UST: variants seen among roughly 807,000 people sequenced by gnomAD.
UST encodes chondroitin sulfate 2-O-sulfotransferase.
UST carries 21 observed loss-of-function variants against 45.6 expected under a neutral mutation model. That is an observed-to-expected ratio of 0.46 (90% CI 0.33 to 0.66). The LOEUF (loss-of-function observed/expected upper bound fraction) is 0.66. Among genes scored for constraint, UST ranks in the 30% least tolerant of loss-of-function variants. UST has a pLI of 0.02. For missense variants in UST, 463 were observed against 512.4 expected (o/e 0.90, Z 0.93); for synonymous variants, 215 against 200.6 (o/e 1.07, Z -0.61).
intron 1 of UST, among the ~76,000 whole-genome samples, chr6:148,881,842 C>T (rs1413850398): frequency 6.6e-6 from 1 of 152,188 alleles, no homozygotes; most frequent in Non-Finnish European, 1.5e-5. Context: ...TTACCAACTT[C>T]ATTTTTTAAA....
At chr6:148,965,194 C>T (rs774235451) in intron 5 of UST, among the ~76,000 whole-genome samples, 3 of 152,156 alleles carry the variant, frequency 2.0e-5, no homozygotes, top group Admixed American at 6.5e-5. Flanking sequence ...ATGTTAGTCT[C>T]GAGCCCAGTA....
chr6:148,859,924 G>C (rs1434165649), intron 1 of UST, among the ~76,000 whole-genome samples: 1 of 152,208 alleles, frequency 6.6e-6, no homozygotes, highest in Non-Finnish European at 1.5e-5. Context: ...AAGTCAGGTA[G>C]AATGATGCCT....
At chr6:148,822,964 A>C (rs1159222428) in intron 1 of UST, among the ~76,000 whole-genome samples, 1 of 152,230 alleles carries the variant, frequency 6.6e-6, no homozygotes, top group Non-Finnish European at 1.5e-5. Context: ...GCTCTTACTT[A>C]CCTGGCTCTT....
chr6:149,002,060 ACT>A (rs1407214736), intron 5 of UST, among the ~76,000 whole-genome samples: 1 of 151,898 alleles, frequency 6.6e-6, no homozygotes, highest in African/African-American at 2.4e-5. Flanking sequence ...CCTTCCTCAG[ACT>A]CTCTCAGTAA....
At chr6:148,979,537 T>G (rs1781088222) in intron 5 of UST, among the ~76,000 whole-genome samples, 1 of 152,164 alleles carries the variant, frequency 6.6e-6, no homozygotes, top group Admixed American at 6.5e-5. Context: ...ACACTTGACA[T>G]TGGAAAAGGG....
At chr6:148,932,393 CTG>C (rs1423905761) in intron 2 of UST, among the ~76,000 whole-genome samples, 2 of 152,132 alleles carry the variant, frequency 1.3e-5, no homozygotes, top group African/African-American at 2.4e-5. Context: ...AAAAAGGAAA[CTG>C]TAACATTCTG....
intron 1 of UST, among the ~76,000 whole-genome samples, chr6:148,874,741 T>C (rs1778616931): frequency 6.6e-6 from 1 of 152,234 alleles, no homozygotes; most frequent in African/African-American, 2.4e-5. Flanking sequence ...CTGCATTAAT[T>C]ATAAGCAATG....
At chr6:148,888,458 T>G (rs1370713413) in intron 2 of UST, among the ~76,000 whole-genome samples, 2 of 152,184 alleles carry the variant, frequency 1.3e-5, no homozygotes, top group African/African-American at 2.4e-5. Context: ...GAAGAAGATA[T>G]TTCTGGATTC....
intron 4 of UST, among the ~76,000 whole-genome samples, chr6:148,957,744 A>G (rs1351286669): frequency 6.6e-6 from 1 of 152,208 alleles, no homozygotes; most frequent in Non-Finnish European, 1.5e-5. Context: ...AAGGACATTA[A>G]CATACTTTAA....
chr6:148,802,138 C>T (rs796706643), intron 1 of UST, among the ~76,000 whole-genome samples: 1 of 152,216 alleles, frequency 6.6e-6, no homozygotes, highest in South Asian at 2.1e-4. Flanking sequence ...GCTCCCATTG[C>T]CCAGCGCTTG....
At chr6:148,982,962 G>A (rs1483036363) in intron 5 of UST, among the ~76,000 whole-genome samples, 1 of 152,114 alleles carries the variant, frequency 6.6e-6, no homozygotes, top group African/African-American at 2.4e-5. Context: ...TTTGATAAAA[G>A]ACACCTCATT....
At chr6:148,840,374 G>T (rs1777865922) in intron 1 of UST, among the ~76,000 whole-genome samples, 1 of 152,204 alleles carries the variant, frequency 6.6e-6, no homozygotes, top group South Asian at 2.1e-4. Context: ...TACACGTTCA[G>T]TTTTCAGGCT....
chr6:148,884,235 T>TAAAG (rs1376089636), intron 1 of UST, among the ~76,000 whole-genome samples: 1 of 152,164 alleles, frequency 6.6e-6, no homozygotes, highest in Non-Finnish European at 1.5e-5. Context: ...GATTTTGGTA[T>TAAAG]AAAGAGTTAG....
chr6:148,870,360 C>T (rs1362323452), intron 1 of UST, among the ~76,000 whole-genome samples: 3 of 152,168 alleles, frequency 2.0e-5, no homozygotes, highest in Non-Finnish European at 2.9e-5. Context: ...AAGTTCTGCA[C>T]GCATGTAAGC....
intron 1 of UST, among the ~76,000 whole-genome samples, chr6:148,865,664 T>TTGTGTGTGTGTGTG (rs56252604): frequency 8.5e-6 from 1 of 117,848 alleles, no homozygotes; most frequent in Non-Finnish European, 1.8e-5. Flanking sequence ...CTTGCTGAAA[T>TTGTGTGTGTGTGTG]TGTGTGTGTG....
intron 7 of UST, among the ~76,000 whole-genome samples, chr6:149,068,453 A>G (rs1163991469): frequency 6.6e-6 from 1 of 152,256 alleles, no homozygotes; most frequent in African/African-American, 2.4e-5. Context: ...CTTGCTACAC[A>G]TTAGTTCCCA....
At chr6:148,930,843 A>G (rs1779908166) in intron 2 of UST, among the ~76,000 whole-genome samples, 1 of 152,244 alleles carries the variant, frequency 6.6e-6, no homozygotes, top group African/African-American at 2.4e-5. Flanking sequence ...GATTTAAACA[A>G]TGATCATTTG....
chr6:148,817,199 A>C (rs1777374019), intron 1 of UST, among the ~76,000 whole-genome samples: 1 of 152,234 alleles, frequency 6.6e-6, no homozygotes, highest in Admixed American at 6.5e-5. Flanking sequence ...GCTAACTTTC[A>C]CTAGAAAGCA....
At chr6:149,026,583 G>A (rs1312053767) in intron 7 of UST, among the ~76,000 whole-genome samples, 1 of 152,108 alleles carries the variant, frequency 6.6e-6, no homozygotes, top group Non-Finnish European at 1.5e-5. Flanking sequence ...GAAAGACAAG[G>A]AACATGTGAA....
Sources: allele counts gnomAD v4.1 joint callset (sites outside exome capture counted in the v4.1 genomes callset), GRCh38; gene constraint gnomAD v4.1.1; transcripts MANE v1.5; gene names NCBI Gene and HGNC (gene_info 2026-07-23, HGNC 2026-07-21).